PMPCB: variants seen among roughly 807,000 people sequenced by gnomAD.
The protein encoded by PMPCB is mitochondrial-processing peptidase subunit beta.
PMPCB carries 46 observed loss-of-function variants against 61.5 expected under a neutral mutation model. The ratio of observed to expected loss-of-function variants is 0.75; its 90% CI spans 0.59 to 0.96. The LOEUF is 0.96. Ranked by LOEUF, PMPCB falls within the 40% of genes least tolerant of loss-of-function variation. PMPCB has a pLI of 0.00. For synonymous variants in PMPCB, 191 were observed against 201.6 expected (o/e 0.95, Z 0.44); for missense variants, 590 against 602.4 (o/e 0.98, Z 0.22).
downstream of PMPCB, chr7:103,315,764 C>T (rs373180777): frequency 6.2e-7 from 1 of 1,612,386 alleles, no homozygotes; most frequent in Non-Finnish European, 8.5e-7. Context: ...CAAAATTTAC[C>T]TTCAAATCGT....
chr7:103,301,759 T>C (rs1344359683), intron 4 of PMPCB, among the ~76,000 whole-genome samples: 2 of 152,216 alleles, frequency 1.3e-5, no homozygotes, highest in Admixed American at 1.3e-4. Flanking sequence ...TTTAGACTAA[T>C]GGTCTCCAGG....
chr7:103,308,750 A>C (rs1817658169), intron 7 of PMPCB, among the ~76,000 whole-genome samples: 1 of 152,218 alleles, frequency 6.6e-6, no homozygotes, highest in African/African-American at 2.4e-5. Context: ...CTTTGGGAAA[A>C]GTAATTTTTC....
the PMPCB span, among the ~76,000 whole-genome samples, chr7:103,341,375 G>T: frequency 3.3e-5 from 5 of 152,168 alleles, no homozygotes; most frequent in Non-Finnish European, 5.9e-5. Flanking sequence ...AAAGACACTA[G>T]ATTTCTCATC....
At chr7:103,317,096 T>C, downstream of PMPCB, 1 of 1,197,680 alleles carries the variant, frequency 8.3e-7, no homozygotes, top group Non-Finnish European at 1.2e-6. Flanking sequence ...GGCTTTGTGG[T>C]CCTCAACTCT....
At chr7:103,332,247 C>A (rs1348717164), downstream of PMPCB, among the ~76,000 whole-genome samples, 1 of 152,174 alleles carries the variant, frequency 6.6e-6, no homozygotes, top group Admixed American at 6.5e-5. Context: ...CCTCATGATC[C>A]GCCCGCCTTG....
intron 12 of PMPCB, chr7:103,327,218 T>C (rs1818754213): frequency 8.2e-6 from 4 of 486,060 alleles, no homozygotes; most frequent in Non-Finnish European, 1.4e-5. Flanking sequence ...TATAATCAAC[T>C]TCTTGATTTA....
intron 6 of PMPCB, among the ~76,000 whole-genome samples, chr7:103,306,166 C>G (rs1194113733): frequency 6.6e-6 from 1 of 152,276 alleles, no homozygotes; most frequent in Non-Finnish European, 1.5e-5. Context: ...GGCTAATCAT[C>G]AGGATGTATA....
At chr7:103,302,557 A>C (rs1817478437) in intron 4 of PMPCB, among the ~76,000 whole-genome samples, 1 of 152,124 alleles carries the variant, frequency 6.6e-6, no homozygotes, top group Non-Finnish European at 1.5e-5. Flanking sequence ...CTGTTCTCTT[A>C]TCTGGACAGA....
chr7:103,312,064 T>G lies in PMPCB; in HGVS notation c.1338T>G (p.Asn446Lys). ...TGTCTTCCATATTTCAGGCTGTGAA[T>G]GCTGAGACAATTCGAGAAGTATGTA... ...PELEARIDAV[N>K]AETIREVCTK... is the part of the protein sequence containing the mutation. The change falls in exon 12 of 13, where the codon AAT becomes AAG. Residue 446 changes from asparagine (N) to lysine (K), a missense_variant. By Grantham distance (94) the Asn-to-Lys change is moderately conservative. Coordinates refer to ENST00000249269, the MANE Select transcript of PMPCB (RefSeq NM_004279.3). 1.2e-6 allele frequency: 2 copies of G among 1,613,792 alleles called. No homozygotes were observed. The highest frequency in any genetic ancestry group is 1.7e-6 in the Non-Finnish European group (2 of 1,179,834).
intron 12 of PMPCB, chr7:103,327,760 A>C (rs564266351): frequency 6.3e-7 from 1 of 1,597,914 alleles, no homozygotes; most frequent in South Asian, 1.1e-5. Context: ...TTTATCTACA[A>C]AACCAGTCAG....
intron 12 of PMPCB, chr7:103,327,657 T>C (rs1482138020): frequency 6.3e-7 from 1 of 1,585,966 alleles, no homozygotes; most frequent in Non-Finnish European, 8.6e-7. Context: ...TTTTCTTACC[T>C]TTAGTTATGC....
chr7:103,328,070 G>A (rs753362093), intron 12 of PMPCB, among the ~76,000 whole-genome samples: 25 of 151,856 alleles, frequency 1.6e-4, no homozygotes, highest in Non-Finnish European at 3.5e-4. Flanking sequence ...ACAGGTGCCC[G>A]CCACCATGCC....
At chr7:103,301,593 G>GATGGGAAC (rs1194529736) in intron 4 of PMPCB, among the ~76,000 whole-genome samples, 2 of 152,328 alleles carry the variant, frequency 1.3e-5, no homozygotes, top group South Asian at 4.1e-4. Flanking sequence ...GGGAACGACA[G>GATGGGAAC]AGCTTCTGCT....
At chr7:103,329,084 C>A in exon 13 of PMPCB, 2 of 931,066 alleles carry the variant, frequency 2.1e-6, no homozygotes, top group Non-Finnish European at 2.9e-6. Context: ...CGCTGGTGGT[C>A]AACAATTTTT....
chr7:103,325,685 T>C (rs1818667256), intron 12 of PMPCB, among the ~76,000 whole-genome samples: 1 of 152,210 alleles, frequency 6.6e-6, no homozygotes, highest in Non-Finnish European at 1.5e-5. Flanking sequence ...GCAGCCAAGA[T>C]GTGCTTTAAG....
At chr7:103,317,332 A>G (rs1168573841), downstream of PMPCB, 7 of 267,794 alleles carry the variant, frequency 2.6e-5, no homozygotes, top group Non-Finnish European at 4.9e-5. Context: ...GGCCATTTCA[A>G]ACCTCTCTTC....
intron 4 of PMPCB, among the ~76,000 whole-genome samples, chr7:103,302,262 C>G (rs1024084430): frequency 6.6e-6 from 1 of 152,102 alleles, no homozygotes; most frequent in Non-Finnish European, 1.5e-5. Context: ...AGTAAACATA[C>G]GTGTGCATGA....
intron 1 of PMPCB, 197 bp downstream of exon 1, chr7:103,297,755 C>T (rs368135281): frequency 3.9e-6 from 6 of 1,533,444 alleles, no homozygotes; most frequent in Middle Eastern, 1.7e-4. Flanking sequence ...AGGAGACCTG[C>T]TAGTGACGTG....
In PMPCB at chr7:103,297,543, A is replaced by C. The variant is rs771121012; in HGVS notation, c.84A>C (p.Arg28=). The C allele has an allele frequency of 6.2e-7, 1 of 1,609,558 alleles. No homozygotes were observed. The highest frequency in any genetic ancestry group is 8.5e-7 in the Non-Finnish European group (1 of 1,177,354). Residue 28 remains arginine (R), a synonymous_variant, in exon 1 of 13, where the codon CGA becomes CGC. Transcript: ENST00000249269. Reference sequence around the variant, plus strand: ...GTTTCAGCGAGAGTCTTCTAATCCGAGGCGCTGCGGGACGGGTGAGCTTCC... The same window carrying C: ...GTTTCAGCGAGAGTCTTCTAATCCGCGGCGCTGCGGGACGGGTGAGCTTCC... The part of the protein sequence containing the change: ...LWGFSESLLI[R]GAAGRSLYFG...
Sources: allele counts gnomAD v4.1 joint callset (sites outside exome capture counted in the v4.1 genomes callset), GRCh38; gene constraint gnomAD v4.1.1; transcripts MANE v1.5; gene names NCBI Gene and HGNC (gene_info 2026-07-23, HGNC 2026-07-21).